The following KCNK2 variants were observed in gnomAD, a reference collection of about 807,000 sequenced individuals.
The protein encoded by KCNK2 is potassium two pore domain channel subfamily K member 2.
KCNK2 carries 21 observed loss-of-function variants against 40.5 expected under a neutral mutation model. That is an observed-to-expected ratio of 0.52 (90% confidence interval 0.37 to 0.75). KCNK2 has a LOEUF of 0.75. Among genes scored for constraint, KCNK2 ranks in the 30% least tolerant of loss-of-function variants. KCNK2 has a pLI of 0.00. For synonymous variants in KCNK2, 191 were observed against 202.2 expected, an observed-to-expected ratio of 0.94 and a Z score of 0.47; for missense variants, 399 against 531.6, an observed-to-expected ratio of 0.75 and a Z score of 2.45.
At chr1:215,155,158 AC>A (rs1662860626) in intron 3 of KCNK2, among the ~76,000 whole-genome samples, 1 of 152,162 alleles carries the variant, frequency 6.6e-6, no homozygotes, top group Non-Finnish European at 1.5e-5. Flanking sequence ...GAAGTAGCCT[AC>A]TACTTTCCCC....
Position 215,220,520 on chromosome 1 carries a change from T to C in KCNK2, c.964-14308T>C, listed in dbSNP as rs1403903685. Reference sequence around the variant, plus strand: ...GACATTCTTCTCATGCTGGTCTGGCTCTGACATTTCACTCTGGTACCATGG... The same window carrying C: ...GACATTCTTCTCATGCTGGTCTGGCCCTGACATTTCACTCTGGTACCATGG... On this transcript the variant is annotated intron_variant, in intron 6 of 6. Transcript: ENST00000444842. Among the ~76,000 whole-genome samples, 3 of 152,174 alleles carry C rather than the reference T, an allele frequency of 2.0e-5. No homozygotes were observed. In the East Asian group the frequency reaches 5.8e-4, roughly 29 times the overall value.
At chr1:215,226,706 T>C (rs1051360965) in intron 6 of KCNK2, among the ~76,000 whole-genome samples, 1 of 151,936 alleles carries the variant, frequency 6.6e-6, no homozygotes, top group Non-Finnish European at 1.5e-5. Context: ...GATATTGTCA[T>C]GAAAAGTGGT....
intron 6 of KCNK2, among the ~76,000 whole-genome samples, chr1:215,218,423 C>T (rs984714805): frequency 3.3e-5 from 5 of 152,220 alleles, no homozygotes; most frequent in Non-Finnish European, 7.3e-5. Context: ...CGCTACCCGA[C>T]TATGTCCTAC....
At chr1:215,213,131 G>C (rs1665811227) in intron 6 of KCNK2, among the ~76,000 whole-genome samples, 1 of 152,118 alleles carries the variant, frequency 6.6e-6, no homozygotes, top group Admixed American at 6.6e-5. Context: ...GTTTTATATA[G>C]TTTTACATCA....
At chr1:215,205,313 C>T (rs1483713872) in intron 6 of KCNK2, among the ~76,000 whole-genome samples, 3 of 152,134 alleles carry the variant, frequency 2.0e-5, no homozygotes, top group Non-Finnish European at 4.4e-5. Context: ...TCTCGGCTCA[C>T]TGCAACCTCT....
In KCNK2 at chr1:215,188,503, G is replaced by A. The variant is rs142306797; in HGVS notation, c.824-6450G>A. Among the ~76,000 whole-genome samples, 427 of 152,144 alleles carry A rather than the reference G, an allele frequency of 2.8e-3. 8 individuals carry two copies. Among genetic ancestry groups the A allele is most frequent in the Admixed American group, 0.017 (260 of 15,276 alleles). ...TGCTTTCCTGTATAACTGAAATTAT[G>A]ACTCATTCAGTGGAGTGCTCAGAGC... On this transcript the variant is annotated intron_variant, in intron 5 of 6. Coordinates refer to ENST00000444842, the MANE Select transcript of KCNK2 (RefSeq NM_001017425.3).
At chr1:215,191,883 T>TC (rs1216466450) in intron 5 of KCNK2, among the ~76,000 whole-genome samples, 1 of 152,012 alleles carries the variant, frequency 6.6e-6, no homozygotes, top group Non-Finnish European at 1.5e-5. Context: ...GTAGGCTGCA[T>TC]CTCAGAAGTC....
chr1:215,099,736 T>C (rs1660131361), intron 2 of KCNK2, among the ~76,000 whole-genome samples: 3 of 151,964 alleles, frequency 2.0e-5, no homozygotes, highest in Admixed American at 1.3e-4. Flanking sequence ...AATTCTTAAA[T>C]TTTTCATTTT....
chr1:215,217,796 CTT>C (rs1457027442), intron 6 of KCNK2, among the ~76,000 whole-genome samples: 1 of 152,058 alleles, frequency 6.6e-6, no homozygotes, highest in Admixed American at 6.6e-5. Flanking sequence ...TTATGATGGA[CTT>C]AGGGTAGTTT....
chr1:215,033,818 T>C (rs1043821257), intron 1 of KCNK2, among the ~76,000 whole-genome samples: 3 of 152,208 alleles, frequency 2.0e-5, no homozygotes, highest in African/African-American at 4.8e-5. Context: ...AATGCTCTGA[T>C]ATGTTTCAAA....
chr1:215,102,232 T>A (rs1216293488), intron 2 of KCNK2, among the ~76,000 whole-genome samples: 2 of 151,938 alleles, frequency 1.3e-5, no homozygotes, highest in African/African-American at 4.8e-5. Context: ...CAGCTTCCAG[T>A]GGGACAAGAT....
intron 3 of KCNK2, among the ~76,000 whole-genome samples, chr1:215,161,293 C>A (rs1663182649): frequency 6.6e-6 from 1 of 152,122 alleles, no homozygotes; most frequent in Non-Finnish European, 1.5e-5. Flanking sequence ...CTCAGAGATG[C>A]TGGATTACGT....
intron 5 of KCNK2, among the ~76,000 whole-genome samples, chr1:215,194,657 C>A (rs529432802): frequency 6.6e-6 from 1 of 152,094 alleles, no homozygotes; most frequent in East Asian, 1.9e-4. Flanking sequence ...TAATTAAGTA[C>A]TAGACTGAGA....
At chr1:215,160,280 C>T (rs1015042552) in intron 3 of KCNK2, among the ~76,000 whole-genome samples, 1 of 152,070 alleles carries the variant, frequency 6.6e-6, no homozygotes, top group Non-Finnish European at 1.5e-5. Context: ...ATGTCTACAG[C>T]TTACTATAAA....
At chr1:215,195,217 C>T in intron 6 of KCNK2, 125 bp downstream of exon 6, 1 of 788,472 alleles carries the variant, frequency 1.3e-6, no homozygotes, top group Non-Finnish European at 1.8e-6. Flanking sequence ...TTCTATTTGG[C>T]ATGAATTTGC....
chr1:215,129,136 T>C (rs1029891456), intron 3 of KCNK2, among the ~76,000 whole-genome samples: 1 of 152,136 alleles, frequency 6.6e-6, no homozygotes, highest in African/African-American at 2.4e-5. Context: ...TGGTGACTAA[T>C]AGAATGAAGA....
chr1:215,219,398 A>T lies in KCNK2; in HGVS notation c.964-15430A>T, dbSNP rs572506927. 1.9e-4 allele frequency among the ~76,000 whole-genome samples: 29 copies of T among 152,344 alleles called. 1 individual carries two copies. The South Asian group carries it at 5.8e-3, about 30-fold the overall frequency. Reference sequence around the variant, plus strand: ...TCTTCATTTTAGGTTAAATAGTTAGAAAAAATATAATTATCACTGAAATTT... The same window carrying T: ...TCTTCATTTTAGGTTAAATAGTTAGTAAAAATATAATTATCACTGAAATTT... On this transcript the variant is annotated intron_variant, in intron 6 of 6. Transcript: ENST00000444842.
At chr1:215,046,039 G>A (rs373072462) in intron 1 of KCNK2, among the ~76,000 whole-genome samples, 33 of 152,136 alleles carry the variant, frequency 2.2e-4, no homozygotes, top group East Asian at 1.9e-4. Flanking sequence ...TCATGTAACC[G>A]TGGAAAAATC....
chr1:215,043,527 A>G (rs934157603), intron 1 of KCNK2, among the ~76,000 whole-genome samples: 1 of 152,240 alleles, frequency 6.6e-6, no homozygotes, highest in African/African-American at 2.4e-5. Flanking sequence ...CATTACGCTA[A>G]GTGAAACAAG....
Sources: gnomAD v4.1 joint callset for allele counts (sites outside exome capture counted in the v4.1 genomes callset) on GRCh38, gnomAD v4.1.1 for gene constraint, MANE v1.5 for transcripts, NCBI Gene and HGNC (gene_info 2026-07-23, HGNC 2026-07-21) for gene names.